The following RAD51B variants were observed in gnomAD, a reference collection of about 807,000 sequenced individuals.
RAD51B encodes the protein RAD51 paralog B.
A neutral mutation model predicts 42.2 loss-of-function variants in RAD51B; 38 were observed. That is an observed-to-expected ratio of 0.90 (90% CI 0.70 to 1.18). The LOEUF (loss-of-function observed/expected upper bound fraction) is 1.18, where lower values mean the gene tolerates loss of function less well. Among genes scored for constraint, RAD51B ranks in the 50% most tolerant of loss-of-function variants. RAD51B has a pLI of 0.00. For missense variants in RAD51B, 373 were observed against 400.7 expected (o/e 0.93, Z 0.59); for synonymous variants, 154 against 145.2 (o/e 1.06, Z -0.43).
intron 4 of RAD51B, among the ~76,000 whole-genome samples, chr14:67,837,374 T>G (rs2041279661): frequency 1.3e-5 from 2 of 152,206 alleles, no homozygotes; most frequent in Admixed American, 1.3e-4. Flanking sequence ...TTCTTTTTAC[T>G]TTTTAAGTTT....
chr14:68,451,202 A>G (rs1016373179), intron 9 of RAD51B, among the ~76,000 whole-genome samples: 1 of 152,168 alleles, frequency 6.6e-6, no homozygotes, highest in African/African-American at 2.4e-5. Context: ...AACTCCTTAT[A>G]TATCCAGTCT....
intron 7 of RAD51B, among the ~76,000 whole-genome samples, chr14:67,938,147 C>T (rs2045025090): frequency 6.6e-6 from 1 of 152,154 alleles, no homozygotes; most frequent in African/African-American, 2.4e-5. Flanking sequence ...AGACTAATAA[C>T]ATTTATGTGA....
At chr14:67,878,492 T>C (rs1159073008) in intron 5 of RAD51B, among the ~76,000 whole-genome samples, 1 of 152,164 alleles carries the variant, frequency 6.6e-6, no homozygotes, top group African/African-American at 2.4e-5. Context: ...TATGCTATCT[T>C]TTGTTATCTA....
At chr14:68,656,425 A>G (rs2145152) in intron 11 of RAD51B, among the ~76,000 whole-genome samples, 151,647 of 152,230 alleles carry the variant, frequency 1, 75,547 homozygotes, top group Middle Eastern at 1. Context: ...CCCTTTTCTC[A>G]ATGGGGTAAC....
At chr14:68,077,282 A>C (rs1041952322) in intron 7 of RAD51B, among the ~76,000 whole-genome samples, 1 of 152,192 alleles carries the variant, frequency 6.6e-6, no homozygotes, top group African/African-American at 2.4e-5. Context: ...TATTTATCAT[A>C]TGGCTACTAT....
intron 7 of RAD51B, among the ~76,000 whole-genome samples, chr14:67,951,684 T>G (rs183182073): frequency 6.6e-6 from 1 of 152,210 alleles, no homozygotes; most frequent in Non-Finnish European, 1.5e-5. Flanking sequence ...AATTGTACTT[T>G]AACCATACCA....
chr14:68,271,167 C>T (rs1002851453), intron 7 of RAD51B, among the ~76,000 whole-genome samples: 1 of 152,176 alleles, frequency 6.6e-6, no homozygotes, highest in Non-Finnish European at 1.5e-5. Context: ...TCATTTATTA[C>T]GTTTATTGTC....
intron 7 of RAD51B, among the ~76,000 whole-genome samples, chr14:68,025,607 CTG>C (rs1190852902): frequency 2.0e-5 from 3 of 149,608 alleles, no homozygotes; most frequent in Non-Finnish European, 3.0e-5. Context: ...TCTTGGGAGA[CTG>C]TGTGTTTCCA....
intron 7 of RAD51B, among the ~76,000 whole-genome samples, chr14:67,989,294 A>G (rs942193635): frequency 5.3e-5 from 8 of 152,232 alleles, no homozygotes; most frequent in African/African-American, 1.4e-4. Flanking sequence ...TAAAAGAAAG[A>G]TATTTTTAAA....
intron 7 of RAD51B, among the ~76,000 whole-genome samples, chr14:68,132,788 G>A (rs934327905): frequency 3.3e-5 from 5 of 152,188 alleles, no homozygotes; most frequent in Admixed American, 2.6e-4. Context: ...CACATTATGT[G>A]AAACATGATT....
chr14:68,319,841 G>A (rs1415424296), intron 8 of RAD51B, among the ~76,000 whole-genome samples: 2 of 152,176 alleles, frequency 1.3e-5, no homozygotes, highest in Non-Finnish European at 2.9e-5. Context: ...ATCATTTACT[G>A]AGTGCCTAAT....
chr14:68,354,156 T>C (rs1212289800), intron 8 of RAD51B, among the ~76,000 whole-genome samples: 1 of 152,052 alleles, frequency 6.6e-6, no homozygotes, highest in Non-Finnish European at 1.5e-5. Flanking sequence ...ATATAGGTGG[T>C]GTGTATATTA....
chr14:67,894,614 C>T (rs1950768), intron 7 of RAD51B, among the ~76,000 whole-genome samples: 152,264 of 152,348 alleles, frequency 1, 76,091 homozygotes, highest in Non-Finnish European at 1. Context: ...CTGTTCCTTT[C>T]CTGTTTCTTA....
chr14:68,208,864 G>C (rs2079647205), intron 7 of RAD51B, among the ~76,000 whole-genome samples: 1 of 152,234 alleles, frequency 6.6e-6, no homozygotes, highest in African/African-American at 2.4e-5. Flanking sequence ...GCTGCATTAT[G>C]ATAGAGTTGC....
intron 7 of RAD51B, among the ~76,000 whole-genome samples, chr14:67,949,025 G>C (rs1405059988): frequency 6.7e-6 from 1 of 150,250 alleles, no homozygotes; most frequent in African/African-American, 2.5e-5. Flanking sequence ...TGAGCCTTCA[G>C]TGAGTCATAA....
At chr14:68,234,806 C>T (rs977701229) in intron 7 of RAD51B, among the ~76,000 whole-genome samples, 6 of 152,144 alleles carry the variant, frequency 3.9e-5, no homozygotes, top group Admixed American at 1.3e-4. Context: ...ATAAACACTA[C>T]ACTTAGGCTA....
chr14:67,873,852 A>T (rs1389993668), intron 5 of RAD51B, among the ~76,000 whole-genome samples: 1 of 145,532 alleles, frequency 6.9e-6, no homozygotes, highest in African/African-American at 2.5e-5. Context: ...AAAACCAGAC[A>T]CTGCATATTC....
rs796947194 is a variant in RAD51B at position 67,863,608 on chromosome 14, A to AT, written c.316-1386dup. ...GCCCAGACTTTTTTCCCTCTCTTAGATTTTTTTTTCTTTTCCCTTCCTCTC... is the reference window on the plus strand; with the variant it reads ...GCCCAGACTTTTTTCCCTCTCTTAGATTTTTTTTTTCTTTTCCCTTCCTCTC... On this transcript the variant is annotated intron_variant, in intron 4 of 10. Transcript: ENST00000471583. 1.7e-4 allele frequency among the ~76,000 whole-genome samples: 25 copies of AT among 150,528 alleles called. 1 individual carries two copies. Among genetic ancestry groups the AT allele is most frequent in the African/African-American group, 5.9e-4 (24 of 40,996 alleles).
chr14:68,507,803 C>T (rs189219047), intron 10 of RAD51B, among the ~76,000 whole-genome samples: 8 of 152,314 alleles, frequency 5.3e-5, no homozygotes, highest in Non-Finnish European at 1.0e-4. Flanking sequence ...CCACGGTTCA[C>T]GTTCATGTTA....
Sources: allele counts gnomAD v4.1 joint callset (sites outside exome capture counted in the v4.1 genomes callset), GRCh38; gene constraint gnomAD v4.1.1; transcripts MANE v1.5; gene names NCBI Gene and HGNC (gene_info 2026-07-23, HGNC 2026-07-21).